Variants in NEGR1 observed in about 807,000 individuals in gnomAD.
NEGR1 encodes neuronal growth regulator 1, also known as IgLON family member 4.
In NEGR1, 10 loss-of-function variants were observed where a neutral mutation model predicts 40.9. The observed-to-expected ratio is 0.24, with a 90% CI of 0.15 to 0.42. NEGR1 has a LOEUF of 0.42. Ranked by LOEUF, NEGR1 falls within the 10% of genes least tolerant of loss-of-function variation. The pLI is 1.00. For missense variants in NEGR1, 352 were observed against 438.9 expected, an observed-to-expected ratio of 0.80 and a Z score of 1.77; for synonymous variants, 185 against 166.8, an observed-to-expected ratio of 1.11 and a Z score of -0.84.
intron 1 of NEGR1, among the ~76,000 whole-genome samples, chr1:72,110,997 G>A (rs1649343063): frequency 6.6e-6 from 1 of 151,134 alleles, no homozygotes; most frequent in South Asian, 2.1e-4. Flanking sequence ...GCATTACTTG[G>A]TTTCCTGGCT....
chr1:72,029,398 AT>A (rs1335826224), intron 1 of NEGR1, among the ~76,000 whole-genome samples: 9 of 152,202 alleles, frequency 5.9e-5, no homozygotes, highest in African/African-American at 2.2e-4. Context: ...TGATCAAGGT[AT>A]AAGAAAAAGC....
At position 72,206,528 on chromosome 1, in the gene NEGR1, T is replaced by C. The variant is rs181246725; in HGVS notation, c.176+75791A>G. Among the ~76,000 whole-genome samples, 1,305 of 152,224 alleles carry C rather than the reference T, an allele frequency of 8.6e-3. 19 individuals are homozygous for C. Among genetic ancestry groups the C allele is most frequent in the African/African-American group, 0.03 (1,242 of 41,546 alleles). On this transcript the variant is annotated intron_variant, in intron 1 of 6. Coordinates refer to ENST00000357731, the MANE Select transcript of NEGR1 (RefSeq NM_173808.3). ...CTTGATCTTATTTAATGGCCACTTC[T>C]TCCAATGAGCTAACCTTGACATTGT...
chr1:72,025,379 T>C (rs1646798085), intron 1 of NEGR1, among the ~76,000 whole-genome samples: 1 of 152,184 alleles, frequency 6.6e-6, no homozygotes, highest in South Asian at 2.1e-4. Flanking sequence ...CATGCAAAAC[T>C]TGTTTATAAA....
intron 1 of NEGR1, among the ~76,000 whole-genome samples, chr1:72,180,763 A>G (rs1652337592): frequency 6.6e-6 from 1 of 152,112 alleles, no homozygotes; most frequent in Non-Finnish European, 1.5e-5. Flanking sequence ...ATGAGATACC[A>G]CCTCAACCCC....
intron 4 of NEGR1, among the ~76,000 whole-genome samples, chr1:71,625,139 T>C (rs1257236012): frequency 6.6e-6 from 1 of 152,080 alleles, no homozygotes; most frequent in African/African-American, 2.4e-5. Flanking sequence ...TAGAACATTT[T>C]TGTAGTATTA....
intron 4 of NEGR1, among the ~76,000 whole-genome samples, chr1:71,619,720 A>G (rs988845652): frequency 6.6e-6 from 1 of 152,096 alleles, no homozygotes; most frequent in African/African-American, 2.4e-5. Flanking sequence ...AGAGGCTCAC[A>G]AAGGAGGAGT....
chr1:71,990,832 T>G (rs531114702), intron 1 of NEGR1, among the ~76,000 whole-genome samples: 1 of 152,010 alleles, frequency 6.6e-6, no homozygotes, highest in South Asian at 2.1e-4. Flanking sequence ...CTGAGAAAGC[T>G]CAATCCGTAA....
At chr1:71,867,270 A>G (rs1320198961) in intron 2 of NEGR1, among the ~76,000 whole-genome samples, 2 of 152,158 alleles carry the variant, frequency 1.3e-5, no homozygotes, top group African/African-American at 4.8e-5. Context: ...GCTACTCAGG[A>G]GGCTAAGGCA....
At chr1:72,154,885 A>G (rs868572510) in intron 1 of NEGR1, among the ~76,000 whole-genome samples, 7 of 152,002 alleles carry the variant, frequency 4.6e-5, no homozygotes, top group Non-Finnish European at 7.4e-5. Context: ...AGATGAGACT[A>G]TCATTAGAGG....
intron 1 of NEGR1, among the ~76,000 whole-genome samples, chr1:72,021,849 CAA>C (rs1170790720): frequency 1.3e-5 from 2 of 152,042 alleles, no homozygotes; most frequent in African/African-American, 4.8e-5. Flanking sequence ...AGCGTAGAAA[CAA>C]GAGGCTGGGC....
At chr1:72,142,687 T>C (rs1434544729) in intron 1 of NEGR1, among the ~76,000 whole-genome samples, 2 of 151,990 alleles carry the variant, frequency 1.3e-5, no homozygotes, top group Non-Finnish European at 2.9e-5. Context: ...ACCTTACATA[T>C]ACAATCTCAT....
intron 3 of NEGR1, among the ~76,000 whole-genome samples, chr1:71,700,810 T>C (rs530518949): frequency 9.9e-5 from 15 of 152,080 alleles, no homozygotes; most frequent in East Asian, 1.9e-4. Flanking sequence ...ATGTGAATAA[T>C]GTTAAGGACC....
chr1:71,685,484 G>C (rs1331622694), intron 4 of NEGR1, among the ~76,000 whole-genome samples: 1 of 151,878 alleles, frequency 6.6e-6, no homozygotes, highest in Non-Finnish European at 1.5e-5. Context: ...CACCACACCT[G>C]GCTACTTTTG....
chr1:71,824,167 T>C (rs1050309816), intron 2 of NEGR1, among the ~76,000 whole-genome samples: 15 of 151,982 alleles, frequency 9.9e-5, no homozygotes, highest in Admixed American at 3.9e-4. Flanking sequence ...TCTTGCACAG[T>C]GAGGCTAGTG....
At chr1:72,171,371 A>T (rs996189439) in intron 1 of NEGR1, among the ~76,000 whole-genome samples, 22 of 152,204 alleles carry the variant, frequency 1.4e-4, no homozygotes, top group African/African-American at 5.1e-4. Flanking sequence ...AAGAGCACAT[A>T]AAAGTATCCC....
chr1:71,640,868 T>G (rs934662296), intron 4 of NEGR1, among the ~76,000 whole-genome samples: 1 of 151,922 alleles, frequency 6.6e-6, no homozygotes, highest in Non-Finnish European at 1.5e-5. Context: ...ACACAAAAAG[T>G]GCCCAGAACT....
chr1:71,709,622 A>C (rs2101641279), intron 3 of NEGR1, among the ~76,000 whole-genome samples: 1 of 152,336 alleles, frequency 6.6e-6, no homozygotes, highest in East Asian at 1.9e-4. Flanking sequence ...GGGAAAAGGC[A>C]GTCTCTTCAA....
intron 6 of NEGR1, among the ~76,000 whole-genome samples, chr1:71,496,480 T>A (rs545677754): frequency 3.9e-5 from 6 of 152,296 alleles, no homozygotes; most frequent in Admixed American, 1.3e-4. Flanking sequence ...AAGTTTGATA[T>A]CCTTTCCTTG....
At chr1:72,038,860 G>A (rs991961579) in intron 1 of NEGR1, among the ~76,000 whole-genome samples, 12 of 151,996 alleles carry the variant, frequency 7.9e-5, no homozygotes, top group Admixed American at 3.9e-4. Context: ...CACCATTCAG[G>A]TAATCAAAGA....
Sources: gnomAD v4.1 joint callset for allele counts (sites outside exome capture counted in the v4.1 genomes callset) on GRCh38, gnomAD v4.1.1 for gene constraint, MANE v1.5 for transcripts, NCBI Gene and HGNC (gene_info 2026-07-23, HGNC 2026-07-21) for gene names.